Variants in TBC1D9B observed in about 807,000 individuals in gnomAD.
TBC1D9B encodes TBC1 domain family member 9B.
TBC1D9B carries 87 observed loss-of-function variants against 121.1 expected under a neutral mutation model. The observed-to-expected ratio is 0.72, with a 90% CI of 0.60 to 0.86. TBC1D9B has a LOEUF of 0.86. TBC1D9B is among the 40% of genes least tolerant of loss of function. The pLI, the probability that TBC1D9B is intolerant of heterozygous loss-of-function variation, is 0.00. For synonymous variants in TBC1D9B, 668 were observed against 670.1 expected (o/e 1.00, Z 0.05); for missense variants, 1,540 against 1,628.6 (o/e 0.95, Z 0.94).
Position 179,899,172 on chromosome 5 carries a change from T to C in TBC1D9B, c.348+17A>G, listed in dbSNP as rs1189148388. ...GCCAGGGAAGGGTGAGAACAGAGAG[T>C]GGCGGGTAAACCTTACGTGTATCTT... On this transcript the variant is annotated intron_variant, in intron 3 of 20. Coordinates refer to ENST00000355235, the MANE Select transcript of TBC1D9B (RefSeq NM_015043.4). The C allele has an allele frequency of 1.3e-5, 21 of 1,557,220 alleles. No individual in the cohort carries two copies. Among genetic ancestry groups the C allele is most frequent in the Non-Finnish European group, 1.7e-5 (19 of 1,145,322 alleles).
intron 7 of TBC1D9B, among the ~76,000 whole-genome samples, chr5:179,883,481 C>T (rs1760595387): frequency 6.6e-6 from 1 of 152,068 alleles, no homozygotes. Context: ...TCCTTATTTA[C>T]CTTAATGTAT....
At position 179,863,271 on chromosome 5, in the gene TBC1D9B, G is replaced by A. The variant is rs750545327; in HGVS notation, c.*177C>T. 2.9e-6 allele frequency: 2 copies of A among 698,272 alleles called. No homozygotes were observed. Among genetic ancestry groups the A allele is most frequent in the East Asian group, 5.7e-5 (2 of 35,066 alleles). 43.3% of individuals were successfully genotyped at this position (698,272 alleles called of 1,614,324 possible). On this transcript the variant is annotated 3_prime_UTR_variant, in exon 21 of 21. Transcript: ENST00000355235. This position sits in a 1 kb window ranked among gnomAD's most constrained non-coding sequence, Gnocchi z 4.5. ...CCGGCGCCAGGAGATGCAGGCCCAG[G>A]GAATCTGTCTAAGGCAGCTGGGTCT... is the stretch of plus-strand genomic sequence containing the variant.
Position 179,863,690 on chromosome 5 carries a change from C to G in TBC1D9B, c.3460G>C (p.Ala1154Pro). ...STGSLQCEDL[A>P]DDTVLVGGEA... ...CCGCCCACCAGCACCGTGTCGTCTG[C>G]AAGGTCTTCACATTGCAGGGAGCCC... The change falls in exon 21 of 21, where the codon GCA becomes CCA. Residue 1154 changes from alanine (A) to proline (P), a missense_variant. Transcript: ENST00000355235. This position sits in a 1 kb window ranked among gnomAD's most constrained non-coding sequence, Gnocchi z 4.5. 1 of 1,613,724 alleles carries G rather than the reference C, an allele frequency of 6.2e-7. No homozygotes were observed. Among genetic ancestry groups the G allele is most frequent in the East Asian group, 2.2e-5 (1 of 44,890 alleles).
chr5:179,865,439 G>A lies in TBC1D9B; in HGVS notation c.2915-79C>T. Reference sequence around the variant, plus strand: ...TGACAGCAGGGAGAGGAAGAGTTGGGTGTTTTCTGGCATGGAGTTACCAGG... The same window carrying A: ...TGACAGCAGGGAGAGGAAGAGTTGGATGTTTTCTGGCATGGAGTTACCAGG... On this transcript the variant is annotated intron_variant, in intron 19 of 20. Coordinates refer to ENST00000355235, the MANE Select transcript of TBC1D9B (RefSeq NM_015043.4). The surrounding 1 kb of genome is among the most constrained non-coding windows in gnomAD (Gnocchi z 5.1). 1 of 1,368,040 alleles carries A rather than the reference G, an allele frequency of 7.3e-7. No homozygotes were observed. The highest frequency in any genetic ancestry group is 1.0e-6 in the Non-Finnish European group (1 of 959,178). 84.7% of individuals were successfully genotyped at this position (1,368,040 alleles called of 1,614,324 possible). A position where few individuals can be genotyped will look rare whatever the true frequency, so the allele number is the denominator to read the frequency against.
Position 179,865,744 on chromosome 5 carries a change from G to T in TBC1D9B, c.2914+94C>A. Reference sequence around the variant, plus strand: ...GACGCATCCGCCATCTCCCGGGGTAGGGGGCTCCCTGGCAGTGACTGGGGA... The same window carrying T: ...GACGCATCCGCCATCTCCCGGGGTATGGGGCTCCCTGGCAGTGACTGGGGA... On this transcript the variant is annotated intron_variant, in intron 19 of 20. Transcript: ENST00000355235. The surrounding 1 kb of genome is among the most constrained non-coding windows in gnomAD (Gnocchi z 5.1). 1 of 1,400,264 alleles carries T rather than the reference G, an allele frequency of 7.1e-7. No homozygotes were observed. The allele number at this position is 1,400,264 out of a possible 1,614,324, so 86.7% of individuals were successfully genotyped here.
Position 179,865,837 on chromosome 5 carries a change from C to T in TBC1D9B, c.2914+1G>A. On this transcript the variant is annotated splice_donor_variant, in intron 19 of 20. Coordinates refer to ENST00000355235, the MANE Select transcript of TBC1D9B (RefSeq NM_015043.4). LOFTEE classifies it high-confidence loss of function. This position sits in a 1 kb window ranked among gnomAD's most constrained non-coding sequence, Gnocchi z 5.1. The stretch of plus-strand genomic sequence containing the variant: ...GAACAGCGGCAGAGAATGGCCTGTA[C>T]CTCCTCTCTCCTCACTTCCACTTCC... 1 of 1,605,062 alleles carries T rather than the reference C, an allele frequency of 6.2e-7. No homozygotes were observed. The highest frequency in any genetic ancestry group is 2.2e-5 in the East Asian group (1 of 44,818).
chr5:179,888,933 C>G (rs553192915), intron 6 of TBC1D9B, among the ~76,000 whole-genome samples: 1 of 152,112 alleles, frequency 6.6e-6, no homozygotes, highest in East Asian at 1.9e-4. Context: ...GGTGGGGGCA[C>G]AGCAGTCACC....
In TBC1D9B at chr5:179,888,281, C is replaced by T. The variant is rs1264538981; in HGVS notation, c.1076G>A (p.Ser359Asn). ...GATGGACAGGGGGCTGGGCAGCACGCTGGAGCTGTCAGCTTTTTCGACAAT... is the reference window on the plus strand; with the variant it reads ...GATGGACAGGGGGCTGGGCAGCACGTTGGAGCTGTCAGCTTTTTCGACAAT... ...VTIVEKADSS[S>N]VLPSPLSIST... The change falls in exon 7 of 21, where the codon AGC (serine) becomes AAC (asparagine). Residue 359 changes from serine to asparagine, a missense_variant. Transcript: ENST00000355235. 1 of 1,610,430 alleles carries T rather than the reference C, an allele frequency of 6.2e-7. No individual in the cohort carries two copies. The highest frequency in any genetic ancestry group is 1.7e-5 in the Admixed American group (1 of 58,424).
chr5:179,874,670 A>G lies in TBC1D9B; in HGVS notation c.2186+232T>C, dbSNP rs1454030771. Among the ~76,000 whole-genome samples, 1 of 152,210 alleles carries G rather than the reference A, an allele frequency of 6.6e-6. No homozygotes were observed. Among genetic ancestry groups the G allele is most frequent in the East Asian group, 1.9e-4 (1 of 5,184 alleles). On this transcript the variant is annotated intron_variant, in intron 12 of 20. Transcript: ENST00000355235. The surrounding 1 kb of genome is among the most constrained non-coding windows in gnomAD (Gnocchi z 4.3). Reference sequence around the variant, plus strand: ...CCCTACATCTGAGCGGTGGCCCTCCAGCCAGCATGCTCTGCCCGCAGTGCC... The same window carrying G: ...CCCTACATCTGAGCGGTGGCCCTCCGGCCAGCATGCTCTGCCCGCAGTGCC...
In TBC1D9B at chr5:179,879,664, C is replaced by A. The variant is rs1035689173; in HGVS notation, c.1380G>T (p.Gln460His). Residue 460 changes from glutamine (Q) to histidine (H), a missense_variant, in exon 8 of 21, where the codon CAG becomes CAT. Gln to His is a conservative substitution (Grantham distance 24). Transcript: ENST00000355235. ...TASQGLLKLF[Q>H]KNSPMEDLGA... is the part of the protein sequence containing the mutation. ...CAAGGTCCTCCATGGGCGAGTTTTT[C>A]TGGAAGAGCTTCAGCAGGCCCTGGG... 3 of 1,614,012 alleles carry A rather than the reference C, an allele frequency of 1.9e-6. No individual in the cohort carries two copies. The highest frequency in any genetic ancestry group is 3.3e-5 in the Admixed American group (2 of 60,006).
At position 179,872,913 on chromosome 5, in the gene TBC1D9B, C is replaced by T; in HGVS notation, c.2394G>A (p.Glu798=). 6.2e-7 allele frequency: 1 copy of T among 1,613,814 alleles called. No individual in the cohort carries two copies. The highest frequency in any genetic ancestry group is 8.5e-7 in the Non-Finnish European group (1 of 1,179,982). Reference sequence around the variant, plus strand: ...ATACCACACTCCTCTTGGCCGTGTCCTCCAAGGACTGGATCACTTTCAGCC... The same window carrying T: ...ATACCACACTCCTCTTGGCCGTGTCTTCCAAGGACTGGATCACTTTCAGCC... ...KQRLKVIQSL[E]DTAKRSVVRA... The change falls in exon 14 of 21, where the codon GAG becomes GAA. Residue 798 remains glutamate (E), a synonymous_variant. Transcript: ENST00000355235.
Position 179,864,183 on chromosome 5 carries a change from G to A in TBC1D9B, c.3022-55C>T, listed in dbSNP as rs1360078222. The A allele has an allele frequency of 2.0e-5, 30 of 1,498,638 alleles. No individual in the cohort carries two copies. In the East Asian group the frequency reaches 6.4e-4, roughly 32 times the overall value. The allele number at this position is 1,498,638 out of a possible 1,614,324, so 92.8% of individuals were successfully genotyped here. A position where few individuals can be genotyped will look rare whatever the true frequency, so the allele number is the denominator to read the frequency against. ...AGATGGTAAAAGACCAGTCAGACGG[G>A]GTCCATATTAGCCAAACTGATGACA... On this transcript the variant is annotated intron_variant, in intron 20 of 20. Coordinates refer to ENST00000355235, the MANE Select transcript of TBC1D9B (RefSeq NM_015043.4).
chr5:179,869,862 T>C, intron 16 of TBC1D9B, 28 bp from the exon 17 acceptor site: 1 of 1,529,046 alleles, frequency 6.5e-7, no homozygotes, highest in Non-Finnish European at 8.8e-7. Context: ...GAGGGCTGGG[T>C]CTGGCAACAT....
rs771185727 is a variant in TBC1D9B, at chr5:179,865,221, G to C, written c.3021+33C>G. Reference sequence around the variant, plus strand: ...GCCCAGTCTTGGTCAGAACTCTCCAGAAATGTCTACTGTGGGCTCCAGTGG... The same window carrying C: ...GCCCAGTCTTGGTCAGAACTCTCCACAAATGTCTACTGTGGGCTCCAGTGG... On this transcript the variant is annotated intron_variant, in intron 20 of 20. Coordinates refer to ENST00000355235, the MANE Select transcript of TBC1D9B (RefSeq NM_015043.4). This position sits in a 1 kb window ranked among gnomAD's most constrained non-coding sequence, Gnocchi z 5.1. The C allele has an allele frequency of 6.9e-6, 11 of 1,605,226 alleles. No homozygotes were observed. The Admixed American group carries it at 1.7e-4, about 24-fold the overall frequency.
rs1172964630 is a variant in TBC1D9B at position 179,891,849 on chromosome 5, A to T, written c.837-263T>A. On this transcript the variant is annotated intron_variant, in intron 5 of 20. Transcript: ENST00000355235. This position sits in a 1 kb window ranked among gnomAD's most constrained non-coding sequence, Gnocchi z 4.3. ...GTGTCCTGAGACTGCTTTGAAAAGGACACACCTAGATGCTGGCCTGGGCAA... is the reference window on the plus strand; with the variant it reads ...GTGTCCTGAGACTGCTTTGAAAAGGTCACACCTAGATGCTGGCCTGGGCAA... Among the ~76,000 whole-genome samples, 1 of 152,126 alleles carries T rather than the reference A, an allele frequency of 6.6e-6. No individual in the cohort carries two copies. The highest frequency in any genetic ancestry group is 1.5e-5 in the Non-Finnish European group (1 of 67,996).
rs183278067 is a variant in TBC1D9B at position 179,879,132 on chromosome 5, G to A, written c.1482C>T (p.Cys494=). ...IHFFEYGRGV[C]MYRTAKTRAL... ...CCCGCGTCTTGGCTGTGCGGTACAT[G>A]CACACGCCACGCCCGTACTCGAAGA... Residue 494 remains cysteine, a synonymous_variant, in exon 9 of 21, where the codon TGC becomes TGT. Transcript: ENST00000355235. 4.4e-6 allele frequency: 7 copies of A among 1,607,628 alleles called. No individual in the cohort carries two copies. The Admixed American group carries it at 1.0e-4, about 23-fold the overall frequency.
intron 7 of TBC1D9B, among the ~76,000 whole-genome samples, chr5:179,881,894 T>G (rs1760550302): frequency 6.6e-6 from 1 of 151,840 alleles, no homozygotes; most frequent in Admixed American, 6.6e-5. Context: ...TTTTAATTAA[T>G]AAGGCAATCA....
intron 3 of TBC1D9B, among the ~76,000 whole-genome samples, chr5:179,895,134 T>C (rs1760983270): frequency 1.3e-5 from 2 of 152,234 alleles, no homozygotes; most frequent in Non-Finnish European, 2.9e-5. Flanking sequence ...GTGCTGGGAT[T>C]ACAGGTGTGA....
chr5:179,898,679 C>T (rs1761080294), intron 3 of TBC1D9B, among the ~76,000 whole-genome samples: 1 of 150,922 alleles, frequency 6.6e-6, no homozygotes, highest in Admixed American at 6.6e-5. Flanking sequence ...GAACTCCTGA[C>T]CTCAGATGAT....
Sources: gnomAD v4.1 joint callset for allele counts (sites outside exome capture counted in the v4.1 genomes callset) on GRCh38, gnomAD v4.1.1 for gene constraint, Gnocchi (gnomAD v3.1) non-coding constraint, MANE v1.5 for transcripts, NCBI Gene and HGNC (gene_info 2026-07-23, HGNC 2026-07-21) for gene names.